LONP1: variants seen among roughly 807,000 people sequenced by gnomAD.
LONP1 encodes the protein lon peptidase 1, mitochondrial.
LONP1 carries 31 observed loss-of-function variants against 98.5 expected under a neutral mutation model. The observed-to-expected ratio is 0.31, with a 90% CI of 0.24 to 0.42. The LOEUF is 0.42. Among genes scored for constraint, LONP1 ranks in the 20% least tolerant of loss-of-function variants. LONP1 has a pLI of 1.00. For synonymous variants in LONP1, 781 were observed against 594.7 expected (o/e 1.31, Z -4.56); for missense variants, 1,336 against 1,350.6 (o/e 0.99, Z 0.17).
In LONP1 at chr19:5,709,335, C is replaced by CA. The variant is rs780806310; in HGVS notation, c.871-933dup. ...GAAACCCCATCTCCACTAAAAATAC[C>CA]AAAAAAAAAAAAAAAATTAGCCAGG... On this transcript the variant is annotated intron_variant, in intron 4 of 17. Transcript: ENST00000360614. 5.5e-3 allele frequency among the ~76,000 whole-genome samples: 726 copies of CA among 131,936 alleles called. 8 individuals are homozygous for CA. The highest frequency in any genetic ancestry group is 0.032 in the East Asian group (148 of 4,568). 86.6% of individuals were successfully genotyped at this position (131,936 alleles called of 152,430 possible). A position where few individuals can be genotyped will look rare whatever the true frequency, so the allele number is the denominator to read the frequency against.
intron 8 of LONP1, among the ~76,000 whole-genome samples, chr19:5,705,457 CAAAAA>C (rs552452093): frequency 1.9e-5 from 2 of 106,022 alleles, no homozygotes; most frequent in Non-Finnish European, 1.9e-5. Context: ...GACTCCATTT[CAAAAA>C]AAAAAAAAAA....
chr19:5,697,985 C>T (rs985361433), intron 10 of LONP1, among the ~76,000 whole-genome samples: 99 of 148,798 alleles, frequency 6.7e-4, no homozygotes, highest in African/African-American at 2.4e-3. Context: ...CCACCCCCAC[C>T]CCTCCACCTT....
At chr19:5,700,651 C>A (rs1397155981) in intron 9 of LONP1, 138 bp downstream of exon 9, 2 of 1,225,944 alleles carry the variant, frequency 1.6e-6, no homozygotes, top group East Asian at 5.2e-5. Context: ...GCTACCTCCG[C>A]CGGGATCCCC....
intron 10 of LONP1, among the ~76,000 whole-genome samples, chr19:5,697,121 T>C (rs990585353): frequency 6.6e-6 from 1 of 152,094 alleles, no homozygotes; most frequent in Non-Finnish European, 1.5e-5. Context: ...ATACTAGCCA[T>C]GGCCAGCACT....
In LONP1 at chr19:5,693,628, G is replaced by A. The variant is rs2054871856; in HGVS notation, c.2462C>T (p.Ala821Val). 6.2e-7 allele frequency: 1 copy of A among 1,614,074 alleles called. No individual in the cohort carries two copies. Among genetic ancestry groups the A allele is most frequent in the South Asian group, 1.1e-5 (1 of 91,082 alleles). Reference sequence around the variant, plus strand: ...GGCGTGCTGCATGAGGAAGGCTCTGGCGAAGGTGTAGGCTATGCGGGCGCT... The same window carrying A: ...GGCGTGCTGCATGAGGAAGGCTCTGACGAAGGTGTAGGCTATGCGGGCGCT... ...KESARIAYTF[A>V]RAFLMQHAPA... Residue 821 changes from alanine (A) to valine (V), a missense_variant, in exon 16 of 18, where the codon GCC becomes GTC. This residue lies in a region of LONP1 where 555 missense variants were observed against 542.6 expected (regional missense o/e 1.02). Coordinates refer to ENST00000360614, the MANE Select transcript of LONP1 (RefSeq NM_004793.4).
At chr19:5,705,598 G>A (rs1441056116) in intron 8 of LONP1, among the ~76,000 whole-genome samples, 174 bp downstream of exon 8, 6 of 152,192 alleles carry the variant, frequency 3.9e-5, no homozygotes, top group Admixed American at 6.5e-5. Context: ...GAATGGAGAT[G>A]GTGATGATGT....
At chr19:5,707,667 T>C (rs768327236) in intron 6 of LONP1, 30 bp downstream of exon 6, 11 of 1,591,708 alleles carry the variant, frequency 6.9e-6, no homozygotes, top group African/African-American at 6.7e-5. Flanking sequence ...CAGCCAGGCG[T>C]GGGGGGCTGT....
At chr19:5,714,667 G>A (rs1230266878) in intron 1 of LONP1, among the ~76,000 whole-genome samples, 1 of 144,078 alleles carries the variant, frequency 6.9e-6, no homozygotes, top group African/African-American at 2.6e-5. Context: ...CACCCAGGCT[G>A]GAGTGCAGTG....
At chr19:5,702,919 C>G (rs2055081128) in intron 8 of LONP1, among the ~76,000 whole-genome samples, 2 of 150,786 alleles carry the variant, frequency 1.3e-5, no homozygotes, top group South Asian at 4.2e-4. Flanking sequence ...AAACCAGAGA[C>G]CCTTGTTCAC....
chr19:5,693,741 G>A lies in LONP1; in HGVS notation c.2349C>T (p.Ser783=), dbSNP rs753886167. ...MGGSTLFVET[S]LRRPQDKDAK... Reference sequence around the variant, plus strand: ...CATCCTTGTCCTGTGGCCGTCTCAGGGATGTCTCCACAAACAGCGTGGAGC... The same window carrying A: ...CATCCTTGTCCTGTGGCCGTCTCAGAGATGTCTCCACAAACAGCGTGGAGC... The change falls in exon 16 of 18, where the codon TCC becomes TCT. Residue 783 remains serine, a synonymous_variant. Coordinates refer to ENST00000360614, the MANE Select transcript of LONP1 (RefSeq NM_004793.4). 2.5e-6 allele frequency: 4 copies of A among 1,613,852 alleles called. No individual in the cohort carries two copies. The highest frequency in any genetic ancestry group is 1.7e-5 in the Admixed American group (1 of 59,982).
chr19:5,694,460 G>C lies in LONP1; in HGVS notation c.2247C>G (p.Pro749=), dbSNP rs150624477. The C allele has an allele frequency of 1.2e-4, 191 of 1,613,264 alleles. No individual in the cohort carries two copies. Among genetic ancestry groups the C allele is most frequent in the Admixed American group, 2.2e-4 (13 of 59,980 alleles). ...PENLQDFVGK[P]VFTVERMYDV... ...CATACATGCGCTCCACGGTGAACAC[G>C]GGCTTCCCCACGAAGTCCTGCAGGT... Residue 749 remains proline (P), a synonymous_variant, in exon 15 of 18, where the codon CCC becomes CCG. Coordinates refer to ENST00000360614, the MANE Select transcript of LONP1 (RefSeq NM_004793.4).
chr19:5,708,058 C>A, intron 5 of LONP1: 1 of 614,078 alleles, frequency 1.6e-6, no homozygotes, highest in Non-Finnish European at 2.9e-6. Context: ...GGGAGCCGTG[C>A]AGTGACCTCA....
chr19:5,718,276 G>C (rs984265214), intron 1 of LONP1, among the ~76,000 whole-genome samples: 1 of 151,978 alleles, frequency 6.6e-6, no homozygotes, highest in Non-Finnish European at 1.5e-5. Context: ...TCAGGAGTTC[G>C]AGACGAGCGT....
At chr19:5,700,499 C>A (rs1273710254) in intron 9 of LONP1, among the ~76,000 whole-genome samples, 1 of 152,022 alleles carries the variant, frequency 6.6e-6, no homozygotes, top group African/African-American at 2.4e-5. Context: ...TCACCACAGC[C>A]TCAACTTCCT....
At chr19:5,705,251 G>A (rs953777157) in intron 8 of LONP1, among the ~76,000 whole-genome samples, 17 of 151,848 alleles carry the variant, frequency 1.1e-4, no homozygotes, top group African/African-American at 4.1e-4. Context: ...GAGGTCAGGA[G>A]TTCGAGACCA....
intron 1 of LONP1, among the ~76,000 whole-genome samples, chr19:5,714,595 A>T (rs2055285574): frequency 6.7e-6 from 1 of 150,100 alleles, no homozygotes; most frequent in Non-Finnish European, 1.5e-5. Context: ...GTGAGCCACC[A>T]AACGCAGCAC....
intron 10 of LONP1, among the ~76,000 whole-genome samples, chr19:5,697,459 G>A (rs1192458255): frequency 2.0e-5 from 3 of 149,068 alleles, no homozygotes; most frequent in African/African-American, 7.4e-5. Context: ...CACGCCTGGT[G>A]TGTTAGAAGA....
chr19:5,695,000 T>G, intron 13 of LONP1, 99 bp from the exon 14 acceptor site: 2 of 1,385,538 alleles, frequency 1.4e-6, no homozygotes, highest in Non-Finnish European at 1.9e-6. Flanking sequence ...CCCCAGACCC[T>G]GGCCTGGGAA....
intron 10 of LONP1, among the ~76,000 whole-genome samples, chr19:5,698,724 C>T (rs1490668460): frequency 6.6e-6 from 1 of 152,244 alleles, no homozygotes; most frequent in African/African-American, 2.4e-5. Context: ...CCCTGCAGCT[C>T]TGGCCCGGGC....
Sources: gnomAD v4.1 joint callset for allele counts (sites outside exome capture counted in the v4.1 genomes callset) on GRCh38, gnomAD v4.1.1 for gene constraint, gnomAD v4.1.1 regional missense constraint, MANE v1.5 for transcripts, NCBI Gene and HGNC (gene_info 2026-07-23, HGNC 2026-07-21) for gene names.